The following FGD4 variants were observed in gnomAD, a reference collection of about 807,000 sequenced individuals.
FGD4 encodes the protein FYVE, RhoGEF and PH domain containing 4, also known as FYVE, RhoGEF and PH domain-containing protein 4.
FGD4 carries 42 observed loss-of-function variants against 102.0 expected under a neutral mutation model. The observed-to-expected ratio is 0.41, with a 90% CI of 0.32 to 0.53. FGD4 has a LOEUF of 0.53. Among genes scored for constraint, FGD4 ranks in the 20% least tolerant of loss-of-function variants. FGD4 has a pLI of 0.21. For missense variants in FGD4, 902 were observed against 1,078.2 expected (o/e 0.84, Z 2.29); for synonymous variants, 380 against 375.7 (o/e 1.01, Z -0.13).
chr12:32,586,544 G>C (rs746453619), intron 4 of FGD4, among the ~76,000 whole-genome samples: 4 of 152,190 alleles, frequency 2.6e-5, no homozygotes, highest in Non-Finnish European at 4.4e-5. Context: ...AACAATTAAA[G>C]CATGGAAGTG....
intron 2 of FGD4, among the ~76,000 whole-genome samples, chr12:32,575,280 G>A (rs1429121593): frequency 6.6e-6 from 1 of 152,132 alleles, no homozygotes; most frequent in Non-Finnish European, 1.5e-5. Flanking sequence ...TGTACAGGAA[G>A]CACAGTGCCA....
intron 1 of FGD4, among the ~76,000 whole-genome samples, chr12:32,539,576 G>GA (rs397796289): frequency 1.7e-4 from 24 of 140,802 alleles, no homozygotes; most frequent in East Asian, 4.1e-4. Flanking sequence ...TCTCAGGGGG[G>GA]AAAAAAAAAA....
In FGD4 at chr12:32,640,464, A is replaced by C; in HGVS notation, c.2643A>C (p.Pro881=). ...TTTTAGCTGTCACAGGTGAGACACC[A>C]GGTGGTCCAAATGAGCATCCAGCCA... ...VILLAVTGET[P]GGPNEHPATL... is the part of the protein sequence containing the mutation. The change falls in exon 17 of 17, where the codon CCA becomes CCC. Residue 881 remains proline (P), a synonymous_variant. Transcript: ENST00000534526. 1.2e-6 allele frequency: 2 copies of C among 1,614,172 alleles called. No individual in the cohort carries two copies. The highest frequency in any genetic ancestry group is 2.2e-5 in the South Asian group (2 of 91,080).
At position 32,615,405 on chromosome 12, in the gene FGD4, A is replaced by G. The variant is rs527656889; in HGVS notation, c.1749+4122A>G. Among the ~76,000 whole-genome samples the G allele has an allele frequency of 9.2e-4, 140 of 152,326 alleles. 3 individuals carry two copies. The highest frequency in any genetic ancestry group is 2.8e-4 in the Non-Finnish European group (19 of 68,030). ...TGCACAATTTACAACTATCCTAAAA[A>G]CCATGATTTGTACATTTTAAAAGAG... On this transcript the variant is annotated intron_variant, in intron 10 of 16. Transcript: ENST00000534526.
At chr12:32,616,262 T>G (rs558831677) in intron 10 of FGD4, among the ~76,000 whole-genome samples, 1 of 152,288 alleles carries the variant, frequency 6.6e-6, no homozygotes, top group African/African-American at 2.4e-5. Flanking sequence ...TTCTGTTGAA[T>G]ATCTTGAGGC....
chr12:32,593,121 A>G (rs185229564), intron 4 of FGD4, among the ~76,000 whole-genome samples: 8 of 152,330 alleles, frequency 5.3e-5, no homozygotes, highest in Admixed American at 2.6e-4. Flanking sequence ...TTTGAGCCTC[A>G]GGATTTTGTT....
intron 1 of FGD4, among the ~76,000 whole-genome samples, chr12:32,518,921 C>T (rs1223755561): frequency 6.6e-6 from 1 of 151,768 alleles, no homozygotes; most frequent in Non-Finnish European, 1.5e-5. Flanking sequence ...TCGACACCAG[C>T]CTGACCAACA....
intron 1 of FGD4, among the ~76,000 whole-genome samples, chr12:32,409,710 A>C (rs1259734307): frequency 6.6e-6 from 1 of 152,138 alleles, no homozygotes; most frequent in East Asian, 1.9e-4. Flanking sequence ...TAATTGCCTT[A>C]GTGATTGATT....
chr12:32,577,252 A>G (rs1946203634), intron 3 of FGD4, among the ~76,000 whole-genome samples: 1 of 152,096 alleles, frequency 6.6e-6, no homozygotes, highest in South Asian at 2.1e-4. Context: ...TATCAGTAGA[A>G]TTTTGTTACC....
chr12:32,508,825 A>G (rs1939054309), intron 1 of FGD4, among the ~76,000 whole-genome samples: 1 of 152,224 alleles, frequency 6.6e-6, no homozygotes, highest in Non-Finnish European at 1.5e-5. Flanking sequence ...CAGGTTCATG[A>G]TTTCTGTCTG....
At chr12:32,537,957 G>A (rs956661392) in intron 1 of FGD4, among the ~76,000 whole-genome samples, 10 of 152,190 alleles carry the variant, frequency 6.6e-5, no homozygotes, top group African/African-American at 9.6e-5. Context: ...GTGCAGTGGC[G>A]CAGTCTTGGC....
At chr12:32,480,117 C>A (rs1943690993) in intron 1 of FGD4, among the ~76,000 whole-genome samples, 1 of 150,670 alleles carries the variant, frequency 6.6e-6, no homozygotes, top group African/African-American at 2.4e-5. Context: ...TCAGCATATT[C>A]TGCTTATTTG....
intron 1 of FGD4, among the ~76,000 whole-genome samples, chr12:32,519,240 G>A (rs745731792): frequency 6.6e-6 from 1 of 151,694 alleles, no homozygotes; most frequent in Non-Finnish European, 1.5e-5. Context: ...TTACTTAGCA[G>A]ATATATTTGG....
chr12:32,417,719 C>G (rs906525115), intron 1 of FGD4, among the ~76,000 whole-genome samples: 2 of 151,868 alleles, frequency 1.3e-5, no homozygotes, highest in Admixed American at 6.6e-5. Context: ...TTGATCTGTT[C>G]TGCTAATAAG....
chr12:32,554,650 A>G (rs1943951850), intron 1 of FGD4, among the ~76,000 whole-genome samples: 1 of 152,264 alleles, frequency 6.6e-6, no homozygotes, highest in African/African-American at 2.4e-5. Context: ...ACAGAAAAAA[A>G]TAAACTATAA....
intron 1 of FGD4, among the ~76,000 whole-genome samples, chr12:32,535,726 T>G (rs1942192614): frequency 6.6e-6 from 1 of 152,214 alleles, no homozygotes; most frequent in African/African-American, 2.4e-5. Flanking sequence ...CTGAAATAGC[T>G]TCTGTCCATT....
chr12:32,528,693 C>T (rs1400534760), intron 1 of FGD4, among the ~76,000 whole-genome samples: 1 of 152,104 alleles, frequency 6.6e-6, no homozygotes, highest in African/African-American at 2.4e-5. Flanking sequence ...ACTGGCCCTT[C>T]TCTTATACTT....
intron 4 of FGD4, among the ~76,000 whole-genome samples, chr12:32,586,104 G>A (rs1211454343): frequency 6.6e-6 from 1 of 152,148 alleles, no homozygotes; most frequent in Non-Finnish European, 1.5e-5. Flanking sequence ...AATTAATACA[G>A]AGGTACAAGG....
At chr12:32,481,127 C>CAAA (rs1157108520) in intron 1 of FGD4, among the ~76,000 whole-genome samples, 1,745 of 27,338 alleles carry the variant, frequency 0.064, 508 homozygotes, top group Non-Finnish European at 0.067. Flanking sequence ...GACTCCGTCT[C>CAAA]AAAAAAAAAA....
Sources: allele counts gnomAD v4.1 joint callset (sites outside exome capture counted in the v4.1 genomes callset), GRCh38; gene constraint gnomAD v4.1.1; transcripts MANE v1.5; gene names NCBI Gene and HGNC (gene_info 2026-07-23, HGNC 2026-07-21).